Variants in ZNF804B observed in about 807,000 individuals in gnomAD.
ZNF804B encodes the protein zinc finger protein 804B, also known as zinc finger 804B.
Under a neutral mutation model 101.4 loss-of-function variants are expected in ZNF804B, and 80 were observed. That is an observed-to-expected ratio of 0.79 (90% CI 0.66 to 0.95). The LOEUF is 0.95. ZNF804B is among the 40% of genes least tolerant of loss of function. The pLI is 0.00. For synonymous variants in ZNF804B, 622 were observed against 558.8 expected, an observed-to-expected ratio of 1.11 and a Z score of -1.59; for missense variants, 1,673 against 1,561.9, an observed-to-expected ratio of 1.07 and a Z score of -1.20.
At chr7:88,768,837 A>G (rs927815213) in intron 1 of ZNF804B, among the ~76,000 whole-genome samples, 1 of 152,244 alleles carries the variant, frequency 6.6e-6, no homozygotes, top group African/African-American at 2.4e-5. Context: ...TAGAGGGACA[A>G]TATTACATGA....
intron 2 of ZNF804B, among the ~76,000 whole-genome samples, chr7:89,232,476 G>A (rs2115741772): frequency 1.3e-5 from 2 of 152,196 alleles, no homozygotes; most frequent in East Asian, 1.9e-4. Context: ...CTGAGTTTCT[G>A]TAGAGTTATT....
chr7:88,881,651 A>G lies in ZNF804B; in HGVS notation c.108+121567A>G, dbSNP rs17165020. 9.7e-3 allele frequency among the ~76,000 whole-genome samples: 1,478 copies of G among 152,268 alleles called. 17 individuals are homozygous for G. The highest frequency in any genetic ancestry group is 0.024 in the Middle Eastern group (7 of 294). ...TCCATCCCATTGTTTGGGGAATCCA[A>G]TTGTAGGGTGCTTCATATCAGGACA... On this transcript the variant is annotated intron_variant, in intron 1 of 3. Coordinates refer to ENST00000333190, the MANE Select transcript of ZNF804B (RefSeq NM_181646.5).
chr7:88,816,916 A>G (rs1255483367), intron 1 of ZNF804B, among the ~76,000 whole-genome samples: 1 of 148,458 alleles, frequency 6.7e-6, no homozygotes, highest in Non-Finnish European at 1.5e-5. Flanking sequence ...TCATGCTGCT[A>G]TAAGACACAT....
chr7:88,836,712 A>C (rs1054373793), intron 1 of ZNF804B, among the ~76,000 whole-genome samples: 6 of 150,932 alleles, frequency 4.0e-5, no homozygotes, highest in Non-Finnish European at 7.4e-5. Flanking sequence ...AGAGCATGCT[A>C]TCTCTCTCTC....
At chr7:89,212,494 A>G (rs1788820956) in intron 1 of ZNF804B, among the ~76,000 whole-genome samples, 1 of 152,154 alleles carries the variant, frequency 6.6e-6, no homozygotes. Context: ...AATTTCAAAC[A>G]ATTGTCTTAG....
chr7:88,944,619 A>C (rs1383922129), intron 1 of ZNF804B, among the ~76,000 whole-genome samples: 1 of 151,838 alleles, frequency 6.6e-6, no homozygotes, highest in Non-Finnish European at 1.5e-5. Context: ...TAAAAATACA[A>C]AAATATTATA....
chr7:89,018,643 G>T (rs558121808), intron 1 of ZNF804B, among the ~76,000 whole-genome samples: 2 of 152,092 alleles, frequency 1.3e-5, no homozygotes, highest in African/African-American at 2.4e-5. Context: ...AAGCTGGACT[G>T]TGCTGGAATG....
chr7:89,194,552 T>C (rs11975757), intron 1 of ZNF804B, among the ~76,000 whole-genome samples: 108,459 of 146,444 alleles, frequency 0.74, 41,539 homozygotes, highest in African/African-American at 0.87. Flanking sequence ...TTTCCCAGCA[T>C]CATTTATTAA....
At chr7:89,286,276 T>C (rs76069463) in intron 2 of ZNF804B, among the ~76,000 whole-genome samples, 193 of 151,754 alleles carry the variant, frequency 1.3e-3, no homozygotes, top group African/African-American at 4.5e-3. Context: ...TGCAATTCTG[T>C]CTCAAAAGAA....
At chr7:88,971,847 T>G (rs1793542233) in intron 1 of ZNF804B, among the ~76,000 whole-genome samples, 1 of 151,494 alleles carries the variant, frequency 6.6e-6, no homozygotes. Context: ...ACATTCTCAG[T>G]GTTCTTTGGG....
chr7:88,823,212 AAAC>A (rs1329693696), intron 1 of ZNF804B, among the ~76,000 whole-genome samples: 1 of 152,172 alleles, frequency 6.6e-6, no homozygotes, highest in African/African-American at 2.4e-5. Flanking sequence ...CTAAAAAACA[AAAC>A]AAAACAAAAC....
intron 1 of ZNF804B, among the ~76,000 whole-genome samples, chr7:88,971,751 C>A (rs929343295): frequency 1.3e-5 from 2 of 151,550 alleles, no homozygotes; most frequent in African/African-American, 4.8e-5. Context: ...ATAATTTTTA[C>A]AATATTACCC....
intron 2 of ZNF804B, among the ~76,000 whole-genome samples, chr7:89,283,632 G>A (rs1790132658): frequency 6.6e-6 from 1 of 152,130 alleles, no homozygotes; most frequent in African/African-American, 2.4e-5. Flanking sequence ...GTTTAAATCA[G>A]AGTGTTGTGT....
At chr7:89,289,091 T>C (rs1177383025) in intron 2 of ZNF804B, among the ~76,000 whole-genome samples, 1 of 151,948 alleles carries the variant, frequency 6.6e-6, no homozygotes, top group Admixed American at 6.6e-5. Flanking sequence ...AAGACACAAA[T>C]TAAAAGAAAA....
intron 1 of ZNF804B, among the ~76,000 whole-genome samples, chr7:88,812,327 C>G (rs1267940201): frequency 6.6e-6 from 1 of 152,078 alleles, no homozygotes; most frequent in African/African-American, 2.4e-5. Flanking sequence ...CACTTAACAT[C>G]CATTACGATG....
In ZNF804B at chr7:89,269,773, G is replaced by A. The variant is rs962236253; in HGVS notation, c.249+51478G>A. ...TCACCATTCTAACTGGTGTGAGATG[G>A]TATCTCATTGTGGTTTTGATTTGCA... On this transcript the variant is annotated intron_variant, in intron 2 of 3. Transcript: ENST00000333190. Among the ~76,000 whole-genome samples the A allele has an allele frequency of 5.9e-5, 9 of 152,246 alleles. 1 individual carries two copies. The East Asian group carries it at 7.7e-4, about 13-fold the overall frequency.
rs1363260948 is a variant in ZNF804B, at chr7:89,335,644, C to T, written c.2662C>T (p.Pro888Ser). The stretch of plus-strand genomic sequence containing the variant: ...CATTTGTGATCTGGGAAAAGTCAGG[C>T]CCATGAAGTGTAACTCCGGGAATAT... ...PHICDLGKVR[P>S]MKCNSGNISC... Residue 888 changes from proline (P) to serine (S), a missense_variant, in exon 4 of 4, where the codon CCC (proline) becomes TCC (serine). Transcript: ENST00000333190. 1.9e-6 allele frequency: 3 copies of T among 1,613,824 alleles called. No individual in the cohort carries two copies. Among genetic ancestry groups the T allele is most frequent in the East Asian group, 2.2e-5 (1 of 44,866 alleles).
At position 89,334,287 on chromosome 7, in the gene ZNF804B, T is replaced by C; in HGVS notation, c.1305T>C (p.Asn435=). The C allele has an allele frequency of 1.9e-6, 3 of 1,613,846 alleles. No homozygotes were observed. The highest frequency in any genetic ancestry group is 1.7e-6 in the Non-Finnish European group (2 of 1,179,850). ...QRLVKEACTH[N]VASKPLPFLH... ...TTGTAAAAGAAGCATGTACCCATAA[T>C]GTGGCATCTAAACCACTACCTTTTC... Residue 435 remains asparagine, a synonymous_variant, in exon 4 of 4, where the codon AAT becomes AAC. Transcript: ENST00000333190.
chr7:89,236,625 C>G (rs1003359401), intron 2 of ZNF804B, among the ~76,000 whole-genome samples: 1 of 152,174 alleles, frequency 6.6e-6, no homozygotes, highest in South Asian at 2.1e-4. Context: ...ACAAAGAGTT[C>G]AGAATCCCAA....
Sources: allele counts gnomAD v4.1 joint callset (sites outside exome capture counted in the v4.1 genomes callset), GRCh38; gene constraint gnomAD v4.1.1; transcripts MANE v1.5; gene names NCBI Gene and HGNC (gene_info 2026-07-23, HGNC 2026-07-21).